The following PCDHGB5 variants were observed in gnomAD, a reference collection of about 807,000 sequenced individuals.
PCDHGB5 encodes protocadherin gamma subfamily B, 5.
PCDHGB5 carries 48 observed loss-of-function variants against 62.9 expected under a neutral mutation model. The observed-to-expected ratio is 0.76, with a 90% CI of 0.61 to 0.97. The LOEUF (loss-of-function observed/expected upper bound fraction) is 0.97. PCDHGB5 is among the 50% of genes least tolerant of loss of function. PCDHGB5 has a pLI of 0.00. For synonymous variants in PCDHGB5, 474 were observed against 511.2 expected, an observed-to-expected ratio of 0.93 and a Z score of 0.98; for missense variants, 1,118 against 1,198.6, an observed-to-expected ratio of 0.93 and a Z score of 0.99.
intron 1 of PCDHGB5, among the ~76,000 whole-genome samples, chr5:141,492,108 C>T (rs1331001233): frequency 2.6e-5 from 4 of 152,232 alleles, no homozygotes; most frequent in African/African-American, 9.6e-5. Flanking sequence ...TAGATTTCCT[C>T]TTCGATTTCT....
At chr5:141,498,958 A>T (rs1200201746) in intron 2 of PCDHGB5, among the ~76,000 whole-genome samples, 2 of 123,248 alleles carry the variant, frequency 1.6e-5, no homozygotes, top group Admixed American at 1.8e-4. Flanking sequence ...AAAGAGAGAG[A>T]GGGAGGGAGG....
intron 1 of PCDHGB5, chr5:141,426,612 G>A (rs2096947310): frequency 2.6e-6 from 1 of 384,602 alleles, no homozygotes; most frequent in Non-Finnish European, 5.3e-6. Flanking sequence ...GATTGTAGCA[G>A]AGAATCCTCT....
chr5:141,500,234 A>T (rs2099798212), intron 2 of PCDHGB5, among the ~76,000 whole-genome samples: 1 of 148,996 alleles, frequency 6.7e-6, no homozygotes, highest in Non-Finnish European at 1.5e-5. Context: ...ATTGATACGT[A>T]GCCTTGCTCT....
chr5:141,413,352 G>C lies in PCDHGB5; in HGVS notation c.2397+12828G>C, dbSNP rs896091511. ...ACATCTCCAAGGACTTGGGTCTGGC[G>C]CCCCGGGAGCTGGCGGAGCGCGGAG... On this transcript the variant is annotated intron_variant, in intron 1 of 3. Coordinates refer to ENST00000617380, the MANE Select transcript of PCDHGB5 (RefSeq NM_018925.3). 1.9e-6 allele frequency: 3 copies of C among 1,613,858 alleles called. No homozygotes were observed. In the African/African-American group the frequency reaches 4.0e-5, roughly 22 times the overall value.
chr5:141,400,143 T>C lies in PCDHGB5; in HGVS notation c.2016T>C (p.Thr672=), dbSNP rs2093969868. 1.2e-6 allele frequency: 2 copies of C among 1,613,986 alleles called. No individual in the cohort carries two copies. The highest frequency in any genetic ancestry group is 3.3e-5 in the Admixed American group (2 of 60,016). ...TGCAGGAGGTGCTGCCGGATATCAC[T>C]GACCGCCCTGTACCCTCTGACCCCC... ...DSLQEVLPDI[T]DRPVPSDPQA... is the part of the protein sequence containing the mutation. The change falls in exon 1 of 4, where the codon ACT becomes ACC. Residue 672 remains threonine, a synonymous_variant. Transcript: ENST00000617380.
At chr5:141,408,558 T>A (rs748858215) in intron 1 of PCDHGB5, 48 of 1,613,898 alleles carry the variant, frequency 3.0e-5, no homozygotes, top group Non-Finnish European at 5.9e-6. Context: ...ATTTTTCATG[T>A]CATTGTGGTG....
Position 141,487,522 on chromosome 5 carries a change from T to G in PCDHGB5, c.2398-7285T>G, listed in dbSNP as rs764726787. Reference sequence around the variant, plus strand: ...TGGCTTCTGCACCCACTCGGAGTGATAGCTTCATGATGGTGAAGTCACCCA... The same window carrying G: ...TGGCTTCTGCACCCACTCGGAGTGAGAGCTTCATGATGGTGAAGTCACCCA... On this transcript the variant is annotated intron_variant, in intron 1 of 3. Transcript: ENST00000617380. This position sits in a 1 kb window ranked among gnomAD's most constrained non-coding sequence, Gnocchi z 5.0. The G allele has an allele frequency of 6.2e-7, 1 of 1,614,166 alleles. No individual in the cohort carries two copies. The highest frequency in any genetic ancestry group is 8.5e-7 in the Non-Finnish European group (1 of 1,180,022).
In PCDHGB5 at chr5:141,486,047, C is replaced by T. The variant is rs763394605; in HGVS notation, c.2398-8760C>T. Reference sequence around the variant, plus strand: ...TCATACCCCTGATCGTGTAAGAAACCTCTTTAGCCTGCACCCCACTACTGG... The same window carrying T: ...TCATACCCCTGATCGTGTAAGAAACTTCTTTAGCCTGCACCCCACTACTGG... On this transcript the variant is annotated intron_variant, in intron 1 of 3. Transcript: ENST00000617380. The surrounding 1 kb of genome is among the most constrained non-coding windows in gnomAD (Gnocchi z 5.0). 2.5e-6 allele frequency: 4 copies of T among 1,614,054 alleles called. No individual in the cohort carries two copies. The African/African-American group carries it at 5.3e-5, about 22-fold the overall frequency.
chr5:141,437,076 A>T (rs1018228245), intron 1 of PCDHGB5, among the ~76,000 whole-genome samples: 2 of 152,236 alleles, frequency 1.3e-5, no homozygotes, highest in African/African-American at 4.8e-5. Context: ...TTTGGGCCAT[A>T]TAAGAATTGA....
At chr5:141,415,729 T>A in intron 1 of PCDHGB5, 1 of 1,442,780 alleles carries the variant, frequency 6.9e-7, no homozygotes, top group Non-Finnish European at 9.1e-7. Flanking sequence ...TAGAATTTGA[T>A]GTTTATTAAG....
chr5:141,442,779 A>G (rs1453800627), intron 1 of PCDHGB5, among the ~76,000 whole-genome samples: 1 of 152,160 alleles, frequency 6.6e-6, no homozygotes, highest in Non-Finnish European at 1.5e-5. Context: ...GTTTGATTAT[A>G]TTTTATAATT....
At chr5:141,441,554 G>T (rs3805698) in intron 1 of PCDHGB5, 21,236 of 192,824 alleles carry the variant, frequency 0.11, 1,386 homozygotes, top group African/African-American at 0.18. Flanking sequence ...TCCATAGTGT[G>T]CAAGTAGACA....
At chr5:141,414,681 G>T (rs780836649) in intron 1 of PCDHGB5, 2 of 1,613,836 alleles carry the variant, frequency 1.2e-6, no homozygotes, top group Non-Finnish European at 8.5e-7. Flanking sequence ...CCATCCAGGG[G>T]GTACCTCTGT....
At position 141,477,492 on chromosome 5, in the gene PCDHGB5, A is replaced by T; in HGVS notation, c.2398-17315A>T. ...AATGACAACCCTCCACAATCTTCTC[A>T]ATCTTCCTACGACGTTTACATTGAA... On this transcript the variant is annotated intron_variant, in intron 1 of 3. Coordinates refer to ENST00000617380, the MANE Select transcript of PCDHGB5 (RefSeq NM_018925.3). The surrounding 1 kb of genome is among the most constrained non-coding windows in gnomAD (Gnocchi z 4.9). The T allele has an allele frequency of 6.2e-7, 1 of 1,613,980 alleles. No individual in the cohort carries two copies. The highest frequency in any genetic ancestry group is 8.5e-7 in the Non-Finnish European group (1 of 1,179,958).
rs775416808 is a variant in PCDHGB5, at chr5:141,429,727, G to A, written c.2397+29203G>A. ...TAAATATTTACGCTCATGAAAGTAC[G>A]TAGCCAGTTATTTCTTAGGGAGAAT... On this transcript the variant is annotated intron_variant, in intron 1 of 3. Transcript: ENST00000617380. 7.2e-5 allele frequency among the ~76,000 whole-genome samples: 11 copies of A among 152,158 alleles called. 1 individual carries two copies. The highest frequency in any genetic ancestry group is 1.9e-4 in the East Asian group (1 of 5,188).
At chr5:141,441,404 C>T (rs1231257776) in intron 1 of PCDHGB5, 1 of 155,262 alleles carries the variant, frequency 6.4e-6, no homozygotes, top group Admixed American at 6.5e-5. Context: ...ATCAGCATCA[C>T]TGCCACTGAC....
At chr5:141,437,381 C>T (rs2097879875) in intron 1 of PCDHGB5, among the ~76,000 whole-genome samples, 1 of 152,222 alleles carries the variant, frequency 6.6e-6, no homozygotes, top group Non-Finnish European at 1.5e-5. Flanking sequence ...AGTCAGAAGA[C>T]ATTCATCCAC....
In PCDHGB5 at chr5:141,476,235, A is replaced by G; in HGVS notation, c.2398-18572A>G. ...GTCATTCACTATGAGATCCCGGAGG[A>G]AAGAGAGAAGGGTTTCGCTGTGGGC... is the stretch of plus-strand genomic sequence containing the variant. On this transcript the variant is annotated intron_variant, in intron 1 of 3. Coordinates refer to ENST00000617380, the MANE Select transcript of PCDHGB5 (RefSeq NM_018925.3). The surrounding 1 kb of genome is among the most constrained non-coding windows in gnomAD (Gnocchi z 7.6). 2 of 1,613,844 alleles carry G rather than the reference A, an allele frequency of 1.2e-6. No homozygotes were observed. Among genetic ancestry groups the G allele is most frequent in the Admixed American group, 1.7e-5 (1 of 59,990 alleles).
Position 141,409,934 on chromosome 5 carries a change from G to A in PCDHGB5, c.2397+9410G>A. The A allele has an allele frequency of 1.9e-6, 3 of 1,613,362 alleles. No individual in the cohort carries two copies. Among genetic ancestry groups the A allele is most frequent in the South Asian group, 2.2e-5 (2 of 91,074 alleles). On this transcript the variant is annotated intron_variant, in intron 1 of 3. Transcript: ENST00000617380. ...TGACGGCTCCGCGTTCTTCGATATG[G>A]TACCTCGCTCTGCAGAGCCCGGCTA...
Sources: allele counts gnomAD v4.1 joint callset (sites outside exome capture counted in the v4.1 genomes callset), GRCh38; gene constraint gnomAD v4.1.1; non-coding constraint Gnocchi (gnomAD v3.1); transcripts MANE v1.5; gene names NCBI Gene and HGNC (gene_info 2026-07-23, HGNC 2026-07-21).